The following EPHA6 variants were observed in gnomAD, a reference collection of about 807,000 sequenced individuals.
EPHA6 encodes ephrin type-A receptor 6.
Under a neutral mutation model 112.0 loss-of-function variants are expected in EPHA6, and 50 were observed. That is an observed-to-expected ratio of 0.45 (90% CI 0.36 to 0.56). The LOEUF (loss-of-function observed/expected upper bound fraction) is 0.56. Among genes scored for constraint, EPHA6 ranks in the 20% least tolerant of loss-of-function variants. The pLI is 0.00. For synonymous variants in EPHA6, 529 were observed against 490.7 expected, an observed-to-expected ratio of 1.08 and a Z score of -1.03; for missense variants, 1,280 against 1,417.4, an observed-to-expected ratio of 0.90 and a Z score of 1.56.
chr3:97,543,265 T>C (rs1179483095), intron 11 of EPHA6, among the ~76,000 whole-genome samples: 14 of 152,212 alleles, frequency 9.2e-5, no homozygotes, highest in African/African-American at 3.4e-4. Context: ...TTGAATTGAT[T>C]TTTGTATAAG....
intron 9 of EPHA6, 65 bp downstream of exon 9, chr3:97,479,429 A>G: frequency 9.0e-7 from 1 of 1,109,948 alleles, no homozygotes; most frequent in Non-Finnish European, 1.3e-6. Context: ...AGTTCATTCA[A>G]ACTGTATCTA....
At chr3:97,184,125 T>C (rs974056355) in intron 3 of EPHA6, among the ~76,000 whole-genome samples, 1 of 152,094 alleles carries the variant, frequency 6.6e-6, no homozygotes, top group African/African-American at 2.4e-5. Context: ...CTCTAATAGC[T>C]TTAAAACAAT....
chr3:97,046,736 AT>A (rs1394274972), intron 3 of EPHA6, among the ~76,000 whole-genome samples: 29 of 152,192 alleles, frequency 1.9e-4, no homozygotes, highest in African/African-American at 7.0e-4. Flanking sequence ...GAAAATTATA[AT>A]TGAAAGAAAA....
intron 7 of EPHA6, among the ~76,000 whole-genome samples, chr3:97,472,473 A>G (rs2091255869): frequency 6.6e-6 from 1 of 151,776 alleles, no homozygotes; most frequent in Admixed American, 6.6e-5. Context: ...TTAAAGAATG[A>G]TAAGATGTAT....
chr3:97,307,556 A>G (rs2081370792), intron 5 of EPHA6, among the ~76,000 whole-genome samples: 2 of 151,402 alleles, frequency 1.3e-5, no homozygotes, highest in Non-Finnish European at 3.0e-5. Context: ...TACGTATTTT[A>G]GTTTTAGTTT....
At chr3:97,667,536 G>T (rs1195286196) in intron 14 of EPHA6, among the ~76,000 whole-genome samples, 1 of 152,168 alleles carries the variant, frequency 6.6e-6, no homozygotes, top group Admixed American at 6.5e-5. Context: ...CCTCAGGAAA[G>T]ATGTTGCTAA....
rs558448374 is a variant in EPHA6, at chr3:97,519,589, A to G, written c.2201-12769A>G. On this transcript the variant is annotated intron_variant, in intron 10 of 17. Coordinates refer to ENST00000389672, the MANE Select transcript of EPHA6 (RefSeq NM_001080448.3). ...TGGGTAGTACGGTCATTTTAACAAT[A>G]TTAGTCATTACAATCCATGAGCATG... Among the ~76,000 whole-genome samples the G allele has an allele frequency of 5.3e-5, 8 of 152,296 alleles. No individual in the cohort carries two copies. In the South Asian group the frequency reaches 1.4e-3, roughly 28 times the overall value.
At chr3:96,946,774 A>G (rs917427193) in intron 2 of EPHA6, among the ~76,000 whole-genome samples, 25 of 152,202 alleles carry the variant, frequency 1.6e-4, no homozygotes, top group Non-Finnish European at 3.2e-4. Flanking sequence ...TGGTTGAACT[A>G]GTTTACAGAC....
At chr3:97,269,717 T>TGACC (rs2079818913) in intron 5 of EPHA6, among the ~76,000 whole-genome samples, 3 of 151,772 alleles carry the variant, frequency 2.0e-5, no homozygotes, top group Non-Finnish European at 4.4e-5. Context: ...TCATATAACT[T>TGACC]TACGCAATGA....
At chr3:97,128,076 G>A (rs546062330) in intron 3 of EPHA6, among the ~76,000 whole-genome samples, 2 of 152,066 alleles carry the variant, frequency 1.3e-5, no homozygotes, top group East Asian at 3.9e-4. Context: ...CATACCCATA[G>A]CTCAGCTCCT....
At chr3:97,556,428 A>G (rs1311105031) in intron 11 of EPHA6, among the ~76,000 whole-genome samples, 1 of 152,058 alleles carries the variant, frequency 6.6e-6, no homozygotes, top group African/African-American at 2.4e-5. Flanking sequence ...CAGGAAACTT[A>G]CAGTCATGAC....
intron 14 of EPHA6, among the ~76,000 whole-genome samples, chr3:97,719,080 CCCCCCCCA>C (rs1382018966): frequency 1.1e-3 from 24 of 21,908 alleles, no homozygotes; most frequent in African/African-American, 6.1e-3. Context: ...TCCGTTCCCG[CCCCCCCCA>C]CCCCCCCCCC....
At chr3:97,058,688 T>A (rs1057153478) in intron 3 of EPHA6, among the ~76,000 whole-genome samples, 2 of 152,184 alleles carry the variant, frequency 1.3e-5, no homozygotes, top group Non-Finnish European at 2.9e-5. Context: ...GAGCTTAAAT[T>A]CTCTTATTAA....
At chr3:97,218,017 T>C (rs960867139) in intron 3 of EPHA6, among the ~76,000 whole-genome samples, 3 of 152,146 alleles carry the variant, frequency 2.0e-5, no homozygotes, top group African/African-American at 7.2e-5. Context: ...ATGCCTGTAG[T>C]CTCAGCACTT....
intron 6 of EPHA6, among the ~76,000 whole-genome samples, chr3:97,440,649 TAAAATG>T (rs1040972343): frequency 6.6e-5 from 10 of 151,270 alleles, no homozygotes; most frequent in Non-Finnish European, 1.3e-4. Flanking sequence ...ATGAACTATT[TAAAATG>T]AAAGACATTA....
chr3:97,456,539 TACTC>T (rs2090692611), intron 7 of EPHA6, among the ~76,000 whole-genome samples: 1 of 152,188 alleles, frequency 6.6e-6, no homozygotes, highest in African/African-American at 2.4e-5. Context: ...TATTTATAAA[TACTC>T]AATATTGCTT....
intron 14 of EPHA6, among the ~76,000 whole-genome samples, chr3:97,682,493 A>C (rs1023030473): frequency 6.6e-6 from 1 of 152,176 alleles, no homozygotes; most frequent in Non-Finnish European, 1.5e-5. Context: ...CGTAAAGAAC[A>C]GACCAATATC....
chr3:96,850,352 G>C (rs1021708197), intron 1 of EPHA6, among the ~76,000 whole-genome samples: 2 of 152,050 alleles, frequency 1.3e-5, no homozygotes, highest in African/African-American at 2.4e-5. Flanking sequence ...TTAGGGGTCG[G>C]AGGTACATAT....
chr3:97,013,612 A>G (rs996000793), intron 3 of EPHA6, among the ~76,000 whole-genome samples: 1 of 152,164 alleles, frequency 6.6e-6, no homozygotes. Flanking sequence ...ATATGAAGGG[A>G]TGTACACTCA....
Sources: allele counts gnomAD v4.1 joint callset (sites outside exome capture counted in the v4.1 genomes callset), GRCh38; gene constraint gnomAD v4.1.1; transcripts MANE v1.5; gene names NCBI Gene and HGNC (gene_info 2026-07-23, HGNC 2026-07-21).